CAMSAP1: variants seen among roughly 807,000 people sequenced by gnomAD.
CAMSAP1 encodes the protein calmodulin-regulated spectrin-associated protein 1.
CAMSAP1 carries 58 observed loss-of-function variants against 143.5 expected under a neutral mutation model. That is an observed-to-expected ratio of 0.40 (90% CI 0.33 to 0.50). CAMSAP1 has a LOEUF of 0.50. CAMSAP1 is among the 20% of genes least tolerant of loss of function. CAMSAP1 has a pLI of 0.45. For synonymous variants in CAMSAP1, 945 were observed against 859.3 expected (o/e 1.10, Z -1.74); for missense variants, 1,969 against 2,115.7 (o/e 0.93, Z 1.36).
Position 135,905,421 on chromosome 9 carries a change from C to CCT in CAMSAP1, c.160+1577_160+1578dup, listed in dbSNP as rs572072187. The stretch of plus-strand genomic sequence containing the variant: ...AACATCCGCTGCCTGAGCCCTCAGC[C>CCT]CTCTCCACATATAAAATCTTAAAAA... On this transcript the variant is annotated intron_variant, in intron 1 of 16. Transcript: ENST00000389532. Among the ~76,000 whole-genome samples the CCT allele has an allele frequency of 7.9e-5, 12 of 152,290 alleles. No individual in the cohort carries two copies. In the East Asian group the frequency reaches 2.3e-3, roughly 29 times the overall value.
chr9:135,899,926 T>C (rs1328063629), intron 1 of CAMSAP1, among the ~76,000 whole-genome samples: 1 of 152,162 alleles, frequency 6.6e-6, no homozygotes, highest in African/African-American at 2.4e-5. Flanking sequence ...AGCCCGTCAT[T>C]ATGGGTCTCT....
intron 1 of CAMSAP1, among the ~76,000 whole-genome samples, chr9:135,890,991 G>A (rs7020725): frequency 0.011 from 1,724 of 152,312 alleles, 31 homozygotes; most frequent in African/African-American, 0.04. Context: ...GCTGCAGCAG[G>A]CACACTGGGG....
Position 135,877,054 on chromosome 9 carries a change from T to C in CAMSAP1, c.585+4579A>G, listed in dbSNP as rs926283957. On this transcript the variant is annotated intron_variant, in intron 3 of 16. Transcript: ENST00000389532. Reference sequence around the variant, plus strand: ...TATATCTGCACACAAATGTCCCTAGTAGCTTTATTCAAAACAGGCAAAAAC... The same window carrying C: ...TATATCTGCACACAAATGTCCCTAGCAGCTTTATTCAAAACAGGCAAAAAC... Among the ~76,000 whole-genome samples, 10 of 152,074 alleles carry C rather than the reference T, an allele frequency of 6.6e-5. No individual in the cohort carries two copies. The South Asian group carries it at 1.5e-3, about 22-fold the overall frequency.
At chr9:135,881,108 C>A (rs950075377) in intron 3 of CAMSAP1, among the ~76,000 whole-genome samples, 1 of 152,096 alleles carries the variant, frequency 6.6e-6, no homozygotes, top group Non-Finnish European at 1.5e-5. Context: ...TTCAGGAGGT[C>A]AAGGAGGGAG....
intron 1 of CAMSAP1, among the ~76,000 whole-genome samples, chr9:135,905,606 A>G (rs1588518208): frequency 6.6e-6 from 1 of 152,256 alleles, no homozygotes; most frequent in East Asian, 1.9e-4. Context: ...GGAAAAGTGA[A>G]GATGAAGTCA....
rs779821752 is a variant in CAMSAP1 at position 135,821,934 on chromosome 9, C to T, written c.2727G>A (p.Lys909=). 5.6e-6 allele frequency: 9 copies of T among 1,612,956 alleles called. No individual in the cohort carries two copies. The South Asian group carries it at 9.9e-5, about 18-fold the overall frequency. The change falls in exon 11 of 17, where the codon AAG becomes AAA. Residue 909 remains lysine, a synonymous_variant. Coordinates refer to ENST00000389532, the MANE Select transcript of CAMSAP1 (RefSeq NM_015447.4). This position sits in a 1 kb window ranked among gnomAD's most constrained non-coding sequence, Gnocchi z 4.6. ...CATGCAGGAATGCAGCCTTGCCGAG[C>T]TTCAGGCGCTGCCTTGCCGACAGCG... ...MEALSARQRL[K]LGKAAFLHVV...
chr9:135,865,384 AG>A (rs1376261450), intron 4 of CAMSAP1: 30 of 1,550,548 alleles, frequency 1.9e-5, no homozygotes, highest in Non-Finnish European at 2.6e-5. Context: ...AAGCGAGAGA[AG>A]GAAGGCAGGA....
chr9:135,868,276 T>C lies in CAMSAP1; in HGVS notation c.586-1740A>G, dbSNP rs78465773. Among the ~76,000 whole-genome samples the C allele has an allele frequency of 3.8e-3, 586 of 152,294 alleles. 1 individual carries two copies. The highest frequency in any genetic ancestry group is 5.2e-3 in the Non-Finnish European group (355 of 68,012). On this transcript the variant is annotated intron_variant, in intron 3 of 16. Coordinates refer to ENST00000389532, the MANE Select transcript of CAMSAP1 (RefSeq NM_015447.4). ...ATAGTACAACTTCTTTTGTATTCCA[T>C]GACCACATGGTCAGCAGGCACAAAG...
rs1395374803 is a variant in CAMSAP1 at position 135,821,960 on chromosome 9, C to T, written c.2701G>A (p.Ala901Thr). The T allele has an allele frequency of 1.9e-6, 3 of 1,612,594 alleles. No individual in the cohort carries two copies. The highest frequency in any genetic ancestry group is 4.5e-5 in the East Asian group (2 of 44,864). The change falls in exon 11 of 17, where the codon GCG becomes ACG. Residue 901 changes from alanine (A) to threonine (T), a missense_variant. By Grantham distance (58) the Ala-to-Thr change is moderately conservative (BLOSUM62 0). Coordinates refer to ENST00000389532, the MANE Select transcript of CAMSAP1 (RefSeq NM_015447.4). This position sits in a 1 kb window ranked among gnomAD's most constrained non-coding sequence, Gnocchi z 4.6. ...AIEAQKKKME[A>T]LSARQRLKLG... is the part of the protein sequence containing the mutation. ...TTCAGGCGCTGCCTTGCCGACAGCGCCTCCATCTTCTTCTTCTGGGCCTCG... is the reference window on the plus strand; with the variant it reads ...TTCAGGCGCTGCCTTGCCGACAGCGTCTCCATCTTCTTCTTCTGGGCCTCG...
chr9:135,831,013 A>G (rs1835841651), intron 7 of CAMSAP1, among the ~76,000 whole-genome samples: 1 of 152,146 alleles, frequency 6.6e-6, no homozygotes. Context: ...TCTACTAAAA[A>G]TACGAAAAAT....
chr9:135,852,165 T>C (rs2130907851), intron 5 of CAMSAP1, among the ~76,000 whole-genome samples: 1 of 152,234 alleles, frequency 6.6e-6, no homozygotes, highest in East Asian at 1.9e-4. Context: ...CCTGTCCATA[T>C]CTGCCTTGGG....
In CAMSAP1 at chr9:135,810,748, C is replaced by A. The variant is rs934572496; in HGVS notation, c.*561G>T. On this transcript the variant is annotated 3_prime_UTR_variant, in exon 17 of 17. Transcript: ENST00000389532. ...ATTGGATATAAATGTTGGCAGTAGA[C>A]ACAACCAATAAATATCATACAATTT... is the stretch of plus-strand genomic sequence containing the variant. 6.5e-6 allele frequency: 1 copy of A among 152,768 alleles called. No individual in the cohort carries two copies. Among genetic ancestry groups the A allele is most frequent in the African/African-American group, 2.4e-5 (1 of 41,400 alleles). 9.5% of individuals were successfully genotyped at this position (152,768 alleles called of 1,614,324 possible).
intron 1 of CAMSAP1, among the ~76,000 whole-genome samples, chr9:135,906,666 C>T (rs1295839588): frequency 6.6e-6 from 1 of 152,174 alleles, no homozygotes; most frequent in African/African-American, 2.4e-5. Flanking sequence ...GCCCCGCGTC[C>T]CCATGGTCCC....
chr9:135,896,658 G>A (rs1838465153), intron 1 of CAMSAP1, among the ~76,000 whole-genome samples: 1 of 152,112 alleles, frequency 6.6e-6, no homozygotes, highest in Non-Finnish European at 1.5e-5. Flanking sequence ...AATCAAACTA[G>A]GTTATCTTAA....
chr9:135,836,011 T>G, intron 7 of CAMSAP1: 1 of 623,736 alleles, frequency 1.6e-6, no homozygotes, highest in Non-Finnish European at 2.0e-6. Context: ...AAAAAAATTA[T>G]TCTGACATTT....
At chr9:135,865,159 C>T in intron 4 of CAMSAP1, 3 of 629,738 alleles carry the variant, frequency 4.8e-6, no homozygotes, top group South Asian at 4.0e-5. Context: ...ATTACAAGGC[C>T]TATTCGGCTC....
intron 5 of CAMSAP1, among the ~76,000 whole-genome samples, chr9:135,854,181 T>C (rs1055936877): frequency 2.0e-5 from 3 of 152,230 alleles, no homozygotes; most frequent in Middle Eastern, 3.2e-3. Flanking sequence ...TGTGGATGTA[T>C]GTGTTGACTC....
At position 135,822,501 on chromosome 9, in the gene CAMSAP1, T is replaced by G. The variant is rs907767577; in HGVS notation, c.2160A>C (p.Ser720=). The G allele has an allele frequency of 6.2e-7, 1 of 1,613,922 alleles. No homozygotes were observed. Among genetic ancestry groups the G allele is most frequent in the East Asian group, 2.2e-5 (1 of 44,874 alleles). The change falls in exon 11 of 17, where the codon TCA becomes TCC. Residue 720 remains serine (S), a synonymous_variant. Coordinates refer to ENST00000389532, the MANE Select transcript of CAMSAP1 (RefSeq NM_015447.4). This position sits in a 1 kb window ranked among gnomAD's most constrained non-coding sequence, Gnocchi z 6.1. ...CTGAATCGTGGGAGTTGGGGCTTTT[T>G]GAACAACTAACATATAACCTTCCCT... The part of the protein sequence containing the change: ...DTEGRLYVSC[S]KSPNSHDSEP...
chr9:135,907,082 G>C lies in CAMSAP1; in HGVS notation c.78C>G (p.Leu26=), dbSNP rs1374528522. 1 of 1,160,214 alleles carries C rather than the reference G, an allele frequency of 8.6e-7. No individual in the cohort carries two copies. Among genetic ancestry groups the C allele is most frequent in the Non-Finnish European group, 1.1e-6 (1 of 937,200 alleles). The allele number at this position is 1,160,214 out of a possible 1,614,324, so 71.9% of individuals were successfully genotyped here. Reference sequence around the variant, plus strand: ...CCGCGTCGTAGCGGTCCAGGGGCACGAGGTCGGCGGCGCCGTCCGGCGGGG... The same window carrying C: ...CCGCGTCGTAGCGGTCCAGGGGCACCAGGTCGGCGGCGCCGTCCGGCGGGG... ...MEAPPDGAAD[L]VPLDRYDAAR... Residue 26 remains leucine (L), a synonymous_variant, in exon 1 of 17, where the codon CTC becomes CTG. Transcript: ENST00000389532.
Sources: gnomAD v4.1 joint callset for allele counts (sites outside exome capture counted in the v4.1 genomes callset) on GRCh38, gnomAD v4.1.1 for gene constraint, Gnocchi (gnomAD v3.1) non-coding constraint, MANE v1.5 for transcripts, NCBI Gene and HGNC (gene_info 2026-07-23, HGNC 2026-07-21) for gene names.